STRN3: variants seen among roughly 807,000 people sequenced by gnomAD.
STRN3 encodes the protein striatin 3.
Under a neutral mutation model 95.6 loss-of-function variants are expected in STRN3, and 29 were observed. That is an observed-to-expected ratio of 0.30 (90% CI 0.23 to 0.41). STRN3 has a LOEUF of 0.41. Ranked by LOEUF, STRN3 falls within the 10% of genes least tolerant of loss-of-function variation. STRN3 has a pLI of 1.00. For synonymous variants in STRN3, 331 were observed against 357.6 expected, an observed-to-expected ratio of 0.93 and a Z score of 0.84; for missense variants, 890 against 972.1, an observed-to-expected ratio of 0.92 and a Z score of 1.12.
At chr14:30,926,426 C>T (rs1328435365) in intron 8 of STRN3, among the ~76,000 whole-genome samples, 5 of 151,898 alleles carry the variant, frequency 3.3e-5, no homozygotes, top group Non-Finnish European at 5.9e-5. Flanking sequence ...GGAGGTTTTA[C>T]GTATAAAGAC....
At chr14:30,996,328 T>C (rs1344344985) in intron 1 of STRN3, among the ~76,000 whole-genome samples, 3 of 152,150 alleles carry the variant, frequency 2.0e-5, no homozygotes, top group Non-Finnish European at 2.9e-5. Flanking sequence ...AAAGTGGCAC[T>C]GCAAATGTTA....
At chr14:31,019,924 T>C (rs1883425070) in intron 1 of STRN3, among the ~76,000 whole-genome samples, 2 of 150,458 alleles carry the variant, frequency 1.3e-5, no homozygotes, top group South Asian at 2.1e-4. Flanking sequence ...AGGGTCTCAC[T>C]GTTGCCCAGG....
chr14:30,928,487 T>C (rs1453877326), intron 8 of STRN3, among the ~76,000 whole-genome samples: 1 of 152,244 alleles, frequency 6.6e-6, no homozygotes, highest in African/African-American at 2.4e-5. Context: ...TATTTTTATG[T>C]GGCAACTTTT....
intron 13 of STRN3, 37 bp from the exon 14 acceptor site, chr14:30,907,081 A>G (rs1555314712): frequency 1.9e-6 from 3 of 1,592,554 alleles, no homozygotes; most frequent in Non-Finnish European, 1.7e-6. Flanking sequence ...ATTAGGTAAA[A>G]GAAGTTTAAA....
intron 1 of STRN3, among the ~76,000 whole-genome samples, chr14:30,986,420 C>T (rs1252392087): frequency 6.6e-6 from 1 of 152,186 alleles, no homozygotes; most frequent in Non-Finnish European, 1.5e-5. Context: ...TTCAAGAACT[C>T]AAGCATTTCT....
intron 1 of STRN3, among the ~76,000 whole-genome samples, chr14:30,974,071 C>T (rs1239047669): frequency 2.0e-5 from 3 of 152,154 alleles, no homozygotes; most frequent in African/African-American, 4.8e-5. Context: ...TCCACTTTCA[C>T]ACTTCTATTC....
At chr14:30,974,525 C>T (rs778346432) in intron 1 of STRN3, among the ~76,000 whole-genome samples, 1 of 151,012 alleles carries the variant, frequency 6.6e-6, no homozygotes, top group Non-Finnish European at 1.5e-5. Context: ...TTATCAAAAT[C>T]CCAACTTTAT....
At position 30,921,736 on chromosome 14, in the gene STRN3, T is replaced by C. The variant is rs543281850; in HGVS notation, c.1100-2630A>G. 3.3e-5 allele frequency among the ~76,000 whole-genome samples: 5 copies of C among 152,302 alleles called. No homozygotes were observed. The South Asian group carries it at 6.2e-4, about 19-fold the overall frequency. ...AAACTGTAGTAGTATAACAGGATAC[T>C]AGACAATATTAATACCAATATGTAA... On this transcript the variant is annotated intron_variant, in intron 8 of 17. Coordinates refer to ENST00000357479, the MANE Select transcript of STRN3 (RefSeq NM_001083893.2).
rs142580294 is a variant in STRN3, at chr14:30,959,366, T to C, written c.283-3124A>G. On this transcript the variant is annotated intron_variant, in intron 1 of 17. Transcript: ENST00000357479. ...AAAACAAACACCACCACCACCAACA[T>C]ATGGATTAACCAAAAATACATGGAA... is the stretch of plus-strand genomic sequence containing the variant. Among the ~76,000 whole-genome samples the C allele has an allele frequency of 1.1e-4, 17 of 151,974 alleles. No homozygotes were observed. In the East Asian group the frequency reaches 3.3e-3, roughly 29 times the overall value.
At chr14:30,990,747 T>A (rs1013502614) in intron 1 of STRN3, among the ~76,000 whole-genome samples, 16 of 152,224 alleles carry the variant, frequency 1.1e-4, no homozygotes, top group African/African-American at 3.4e-4. Flanking sequence ...TATTTGCATA[T>A]AACCTATGCA....
chr14:30,936,160 T>C (rs1878806903), intron 6 of STRN3, among the ~76,000 whole-genome samples: 1 of 152,244 alleles, frequency 6.6e-6, no homozygotes, highest in South Asian at 2.1e-4. Flanking sequence ...GCAACTTCAG[T>C]TAATTTATCA....
At chr14:30,996,987 T>C (rs1453964957) in intron 1 of STRN3, among the ~76,000 whole-genome samples, 2 of 151,946 alleles carry the variant, frequency 1.3e-5, no homozygotes, top group Non-Finnish European at 2.9e-5. Context: ...GGAAAACTAT[T>C]AACAAGAGGC....
chr14:31,024,084 G>C (rs1338188995), intron 1 of STRN3, among the ~76,000 whole-genome samples: 1 of 152,158 alleles, frequency 6.6e-6, no homozygotes, highest in Non-Finnish European at 1.5e-5. Flanking sequence ...AGGCAATAAA[G>C]GCTTCTTTAA....
At chr14:30,979,033 CAAAAAAAAAAAAA>C (rs10585744) in intron 1 of STRN3, among the ~76,000 whole-genome samples, 1 of 65,462 alleles carries the variant, frequency 1.5e-5, no homozygotes, top group East Asian at 4.9e-4. Flanking sequence ...GACTCCATCT[CAAAAAAAAAAAAA>C]AAAAAAAAAA....
At chr14:30,927,995 CAT>C (rs547777395) in intron 8 of STRN3, among the ~76,000 whole-genome samples, 108 of 147,236 alleles carry the variant, frequency 7.3e-4, no homozygotes, top group African/African-American at 2.5e-3. Flanking sequence ...TCTATTCTAA[CAT>C]AGTCAATCAT....
Position 31,018,595 on chromosome 14 carries a change from A to G in STRN3, c.282+7309T>C, listed in dbSNP as rs1883355537. ...TGAACAAGCTGTGGGTGTTGGACTC[A>G]GAGGTTACCCAGCAGACCACAGAGC... On this transcript the variant is annotated intron_variant, in intron 1 of 17. Transcript: ENST00000357479. 81 of 501,112 alleles carry G rather than the reference A, an allele frequency of 1.6e-4. 1 individual carries two copies. Among genetic ancestry groups the G allele is most frequent in the South Asian group, 1.1e-3 (76 of 69,032 alleles). The allele number at this position is 501,112 out of a possible 1,614,324, so 31.0% of individuals were successfully genotyped here.
At chr14:30,906,298 A>G (rs1193478507) in intron 14 of STRN3, among the ~76,000 whole-genome samples, 1 of 152,220 alleles carries the variant, frequency 6.6e-6, no homozygotes, top group Admixed American at 6.5e-5. Flanking sequence ...TTTTAAAACA[A>G]TATGTATTTT....
In STRN3 at chr14:31,002,175, AAAAAAAAAAAAAAC is replaced by A. The variant is rs1287379789; in HGVS notation, c.282+23715_282+23728del. Reference sequence around the variant, plus strand: ...GAGTGAAATTCCATCTCAAAAAAAAAAAAAAAAAAAAAACAAGGCCAGGCGTGGTGGCTCACACC... The same window carrying A: ...GAGTGAAATTCCATCTCAAAAAAAAAAAGGCCAGGCGTGGTGGCTCACACC... On this transcript the variant is annotated intron_variant, in intron 1 of 17. Coordinates refer to ENST00000357479, the MANE Select transcript of STRN3 (RefSeq NM_001083893.2). Among the ~76,000 whole-genome samples the A allele has an allele frequency of 1.4e-4, 18 of 127,632 alleles. 1 individual carries two copies. The highest frequency in any genetic ancestry group is 1.1e-3 in the Admixed American group (14 of 12,640). 83.7% of individuals were successfully genotyped at this position (127,632 alleles called of 152,430 possible).
At chr14:31,012,030 C>T (rs182035410) in intron 1 of STRN3, among the ~76,000 whole-genome samples, 1 of 151,572 alleles carries the variant, frequency 6.6e-6, no homozygotes, top group South Asian at 2.1e-4. Flanking sequence ...TGCAGTGAGC[C>T]GAGATCGCGC....
Sources: gnomAD v4.1 joint callset for allele counts (sites outside exome capture counted in the v4.1 genomes callset) on GRCh38, gnomAD v4.1.1 for gene constraint, MANE v1.5 for transcripts, NCBI Gene and HGNC (gene_info 2026-07-23, HGNC 2026-07-21) for gene names.